KCNIP4: variants seen among roughly 807,000 people sequenced by gnomAD.
The protein encoded by KCNIP4 is potassium voltage-gated channel interacting protein 4, also known as Kv channel-interacting protein 4.
Under a neutral mutation model 34.0 loss-of-function variants are expected in KCNIP4, and 12 were observed. The ratio of observed to expected loss-of-function variants is 0.35; its 90% CI spans 0.23 to 0.57. The LOEUF (loss-of-function observed/expected upper bound fraction) is 0.57. Among genes scored for constraint, KCNIP4 ranks in the 20% least tolerant of loss-of-function variants. The pLI, the probability that KCNIP4 is intolerant of heterozygous loss-of-function variation, is 0.83. For synonymous variants in KCNIP4, 124 were observed against 102.2 expected (o/e 1.21, Z -1.29); for missense variants, 238 against 311.7 (o/e 0.76, Z 1.78).
intron 1 of KCNIP4, among the ~76,000 whole-genome samples, chr4:21,754,724 A>G (rs1404884401): frequency 1.3e-5 from 2 of 152,334 alleles, no homozygotes; most frequent in African/African-American, 2.4e-5. Context: ...GGATGGGATG[A>G]AGACACTGAA....
In KCNIP4 at chr4:20,801,477, G is replaced by A. The variant is rs542866004; in HGVS notation, c.289-42587C>T. 3.3e-5 allele frequency among the ~76,000 whole-genome samples: 5 copies of A among 152,138 alleles called. No individual in the cohort carries two copies. In the South Asian group the frequency reaches 1.0e-3, roughly 32 times the overall value. On this transcript the variant is annotated intron_variant, in intron 3 of 8. Transcript: ENST00000382152. ...AGTCAAAATGGTCAAAATAACTACAGCACTACAGCTACAATAAGTTGTTAA... is the reference window on the plus strand; with the variant it reads ...AGTCAAAATGGTCAAAATAACTACAACACTACAGCTACAATAAGTTGTTAA...
chr4:21,435,267 G>A (rs1247523534), intron 1 of KCNIP4, among the ~76,000 whole-genome samples: 2 of 152,152 alleles, frequency 1.3e-5, no homozygotes, highest in African/African-American at 4.8e-5. Flanking sequence ...GTTTGAGGGG[G>A]TATAGTGGGT....
At chr4:21,494,743 C>T (rs1301634749) in intron 1 of KCNIP4, among the ~76,000 whole-genome samples, 2 of 146,862 alleles carry the variant, frequency 1.4e-5, no homozygotes, top group African/African-American at 5.1e-5. Context: ...ACTACACATA[C>T]TCCAGCTTGG....
intron 1 of KCNIP4, among the ~76,000 whole-genome samples, chr4:21,149,699 T>C (rs1447266459): frequency 2.6e-5 from 4 of 152,110 alleles, no homozygotes; most frequent in African/African-American, 7.2e-5. Context: ...TACGAACATA[T>C]CCTAACTTTT....
intron 1 of KCNIP4, among the ~76,000 whole-genome samples, chr4:21,769,575 C>T (rs1718640548): frequency 6.6e-6 from 1 of 152,078 alleles, no homozygotes; most frequent in African/African-American, 2.4e-5. Context: ...TTCGAATTCC[C>T]TCTGTCATGC....
intron 1 of KCNIP4, among the ~76,000 whole-genome samples, chr4:21,785,194 C>G (rs1427433130): frequency 6.6e-6 from 1 of 151,988 alleles, no homozygotes; most frequent in Admixed American, 6.6e-5. Flanking sequence ...TCACATACCA[C>G]AGAATTCACC....
intron 1 of KCNIP4, among the ~76,000 whole-genome samples, chr4:21,013,549 T>C (rs1480538707): frequency 1.3e-5 from 2 of 152,096 alleles, no homozygotes; most frequent in Non-Finnish European, 2.9e-5. Flanking sequence ...GGGCTCAGAA[T>C]GAATCATGAT....
intron 1 of KCNIP4, among the ~76,000 whole-genome samples, chr4:21,725,867 T>C (rs4101630): frequency 0.086 from 13,044 of 152,128 alleles, 1,885 homozygotes; most frequent in African/African-American, 0.3. Flanking sequence ...AATTAATTAA[T>C]TATCAGGCCT....
intron 1 of KCNIP4, among the ~76,000 whole-genome samples, chr4:21,606,678 C>G (rs1743708597): frequency 6.6e-6 from 1 of 152,126 alleles, no homozygotes; most frequent in South Asian, 2.1e-4. Flanking sequence ...ACTGCAACCT[C>G]TGCCTCCCGG....
chr4:20,764,132 A>G (rs1244984105), intron 3 of KCNIP4, among the ~76,000 whole-genome samples: 1 of 152,272 alleles, frequency 6.6e-6, no homozygotes, highest in African/African-American at 2.4e-5. Context: ...CTATTTTCTA[A>G]TGAAATTTTG....
chr4:21,073,461 T>G (rs1745169578), intron 1 of KCNIP4, among the ~76,000 whole-genome samples: 1 of 152,204 alleles, frequency 6.6e-6, no homozygotes, highest in African/African-American at 2.4e-5. Flanking sequence ...TGTATAAGAA[T>G]GCTTGTGATT....
intron 1 of KCNIP4, among the ~76,000 whole-genome samples, chr4:21,396,557 A>AAAAAAAAAAAAAAAAAT (rs1342918172): frequency 6.7e-6 from 1 of 149,312 alleles, no homozygotes; most frequent in Non-Finnish European, 1.5e-5. Context: ...TCCAAAAAAA[A>AAAAAAAAAAAAAAAAAT]AAAAAAAAAA....
At chr4:21,605,074 G>C (rs1372838330) in intron 1 of KCNIP4, among the ~76,000 whole-genome samples, 1 of 152,150 alleles carries the variant, frequency 6.6e-6, no homozygotes, top group East Asian at 1.9e-4. Context: ...TTGCGGGCTG[G>C]TCACTAAAAT....
chr4:20,787,713 T>G lies in KCNIP4; in HGVS notation c.289-28823A>C, dbSNP rs1712196148. 3.9e-5 allele frequency among the ~76,000 whole-genome samples: 6 copies of G among 152,130 alleles called. No individual in the cohort carries two copies. In the South Asian group the frequency reaches 1.2e-3, roughly 31 times the overall value. On this transcript the variant is annotated intron_variant, in intron 3 of 8. Coordinates refer to ENST00000382152, the MANE Select transcript of KCNIP4 (RefSeq NM_025221.6). Reference sequence around the variant, plus strand: ...TATTGATTTTTGAACATTTAGGTCATTAGTAGTAAGATCAATGTTAGCCAT... The same window carrying G: ...TATTGATTTTTGAACATTTAGGTCAGTAGTAGTAAGATCAATGTTAGCCAT...
At chr4:20,914,568 T>C (rs755353843) in intron 1 of KCNIP4, among the ~76,000 whole-genome samples, 10 of 152,334 alleles carry the variant, frequency 6.6e-5, no homozygotes, top group Non-Finnish European at 1.2e-4. Context: ...TTTTATTATA[T>C]AGCTGCCCAC....
chr4:20,789,622 G>A (rs976502577), intron 3 of KCNIP4, among the ~76,000 whole-genome samples: 4 of 151,886 alleles, frequency 2.6e-5, no homozygotes, highest in Non-Finnish European at 4.4e-5. Flanking sequence ...CAAAGGCCTC[G>A]AAAGCACTAG....
At chr4:21,769,407 T>A (rs771084686) in intron 1 of KCNIP4, among the ~76,000 whole-genome samples, 7 of 152,166 alleles carry the variant, frequency 4.6e-5, no homozygotes, top group Non-Finnish European at 1.0e-4. Flanking sequence ...CATATATTAT[T>A]TGATTTCATT....
intron 1 of KCNIP4, among the ~76,000 whole-genome samples, chr4:21,317,682 G>T (rs1211491910): frequency 6.6e-6 from 1 of 152,104 alleles, no homozygotes; most frequent in Non-Finnish European, 1.5e-5. Flanking sequence ...GAACTGATAT[G>T]GTTTGGCTGT....
At chr4:20,754,718 A>T (rs543153102) in intron 4 of KCNIP4, among the ~76,000 whole-genome samples, 194 of 152,284 alleles carry the variant, frequency 1.3e-3, no homozygotes, top group Non-Finnish European at 2.5e-3. Flanking sequence ...ATCCCTTTGG[A>T]TTTTGTGATA....
Sources: gnomAD v4.1 joint callset for allele counts (sites outside exome capture counted in the v4.1 genomes callset) on GRCh38, gnomAD v4.1.1 for gene constraint, MANE v1.5 for transcripts, NCBI Gene and HGNC (gene_info 2026-07-23, HGNC 2026-07-21) for gene names.